The following PLD5 variants were observed in gnomAD, a reference collection of about 807,000 sequenced individuals.
PLD5 encodes inactive phospholipase D5.
In PLD5, 36 loss-of-function variants were observed where a neutral mutation model predicts 61.1. That is an observed-to-expected ratio of 0.59 (90% CI 0.45 to 0.78). The LOEUF is 0.78. Among genes scored for constraint, PLD5 ranks in the 30% least tolerant of loss-of-function variants. The pLI is 0.00. For synonymous variants in PLD5, 243 were observed against 242.8 expected (o/e 1.00, Z -0.01); for missense variants, 515 against 644.4 (o/e 0.80, Z 2.17).
At chr1:242,425,922 C>T (rs1481550056) in intron 1 of PLD5, among the ~76,000 whole-genome samples, 1 of 152,108 alleles carries the variant, frequency 6.6e-6, no homozygotes, top group African/African-American at 2.4e-5. Context: ...GGATTACAGG[C>T]ATGAGCCACT....
intron 5 of PLD5, among the ~76,000 whole-genome samples, chr1:242,194,043 G>T (rs867152809): frequency 2.0e-5 from 3 of 152,066 alleles, no homozygotes; most frequent in Non-Finnish European, 4.4e-5. Context: ...TGACCCATCC[G>T]CAGTGAGTTC....
chr1:242,348,068 C>T (rs538143564), intron 2 of PLD5, 38 bp downstream of exon 2: 9 of 1,604,086 alleles, frequency 5.6e-6, no homozygotes, highest in East Asian at 2.2e-5. Context: ...ATTTCTTGCC[C>T]GCCCCCTAAA....
chr1:242,241,406 C>A (rs1435163572), intron 4 of PLD5, among the ~76,000 whole-genome samples: 1 of 152,118 alleles, frequency 6.6e-6, no homozygotes, highest in East Asian at 1.9e-4. Context: ...AATTAAGGAG[C>A]CCTAGCAAAA....
chr1:242,434,829 G>T (rs1268008728), intron 1 of PLD5, among the ~76,000 whole-genome samples: 1 of 152,026 alleles, frequency 6.6e-6, no homozygotes, highest in Non-Finnish European at 1.5e-5. Context: ...TAGCCAGGAT[G>T]GTCTTGATCT....
intron 7 of PLD5, among the ~76,000 whole-genome samples, chr1:242,112,437 G>A (rs532520869): frequency 5.7e-4 from 86 of 152,064 alleles, no homozygotes; most frequent in African/African-American, 1.9e-3. Context: ...GGGCTCAGGC[G>A]ATTCTCCTGC....
intron 5 of PLD5, among the ~76,000 whole-genome samples, chr1:242,148,870 TATATC>T (rs930736215): frequency 1.3e-5 from 2 of 152,100 alleles, no homozygotes; most frequent in East Asian, 1.9e-4. Flanking sequence ...ATACTGATCT[TATATC>T]ATAAAACTGT....
At chr1:242,163,208 A>G (rs1242605415) in intron 5 of PLD5, among the ~76,000 whole-genome samples, 5 of 147,282 alleles carry the variant, frequency 3.4e-5, no homozygotes, top group African/African-American at 2.5e-5. Context: ...CAGTGGCGCG[A>G]TCTCGGCTCA....
chr1:242,276,933 A>G (rs1674444387), intron 3 of PLD5, among the ~76,000 whole-genome samples: 1 of 152,126 alleles, frequency 6.6e-6, no homozygotes, highest in Admixed American at 6.5e-5. Context: ...AAACATAGCC[A>G]TCCCTGTCAG....
chr1:242,148,947 T>C (rs558968912), intron 5 of PLD5, among the ~76,000 whole-genome samples: 1 of 140,904 alleles, frequency 7.1e-6, no homozygotes, highest in African/African-American at 2.6e-5. Context: ...TACATAATCA[T>C]GTCATCTGCA....
chr1:242,109,141 C>T (rs935780311), intron 7 of PLD5, among the ~76,000 whole-genome samples: 4 of 152,178 alleles, frequency 2.6e-5, no homozygotes, highest in South Asian at 2.1e-4. Flanking sequence ...CGATGACCAC[C>T]GCAGTGATCC....
chr1:242,112,718 TAATC>T lies in PLD5; in HGVS notation c.1070+1168_1070+1171del, dbSNP rs1252427459. ...TTATTCAAGCAATAAAGGGCACACTTAATCATTTAGCCTCAGTAAATGCTTATTT... is the reference window on the plus strand; with the variant it reads ...TTATTCAAGCAATAAAGGGCACACTTATTTAGCCTCAGTAAATGCTTATTT... On this transcript the variant is annotated intron_variant, in intron 7 of 9. Transcript: ENST00000536534. Among the ~76,000 whole-genome samples, 9 of 152,170 alleles carry T rather than the reference TAATC, an allele frequency of 5.9e-5. No homozygotes were observed. The East Asian group carries it at 1.7e-3, about 29-fold the overall frequency.
At chr1:242,118,717 G>A (rs1337071295) in intron 6 of PLD5, among the ~76,000 whole-genome samples, 1 of 152,166 alleles carries the variant, frequency 6.6e-6, no homozygotes, top group Non-Finnish European at 1.5e-5. Context: ...CTGACACAAT[G>A]GCAGGTGCTC....
At chr1:242,128,720 A>G (rs72761235) in intron 5 of PLD5, among the ~76,000 whole-genome samples, 8,325 of 152,190 alleles carry the variant, frequency 0.055, 300 homozygotes, top group Non-Finnish European at 0.084. Flanking sequence ...CCCAGGGAGC[A>G]CAGAAACTAG....
intron 1 of PLD5, among the ~76,000 whole-genome samples, chr1:242,431,295 C>A (rs941549902): frequency 6.6e-5 from 10 of 152,174 alleles, no homozygotes; most frequent in Admixed American, 5.9e-4. Flanking sequence ...TGGGTCAACC[C>A]AGAGGCTTTA....
intron 6 of PLD5, among the ~76,000 whole-genome samples, chr1:242,120,741 T>C (rs191082642): frequency 6.6e-6 from 1 of 152,260 alleles, no homozygotes; most frequent in African/African-American, 2.4e-5. Flanking sequence ...TGGAAAGCAA[T>C]TGCTTAAGCT....
intron 1 of PLD5, among the ~76,000 whole-genome samples, chr1:242,495,316 C>T (rs531413400): frequency 6.6e-5 from 10 of 152,172 alleles, no homozygotes; most frequent in East Asian, 5.8e-4. Flanking sequence ...CTTAGCTAGA[C>T]GGACACCACT....
chr1:242,131,386 G>A lies in PLD5; in HGVS notation c.736-6721C>T, dbSNP rs569003783. Among the ~76,000 whole-genome samples the A allele has an allele frequency of 2.0e-5, 3 of 152,222 alleles. No homozygotes were observed. The East Asian group carries it at 5.8e-4, about 29-fold the overall frequency. On this transcript the variant is annotated intron_variant, in intron 5 of 9. Transcript: ENST00000536534. Reference sequence around the variant, plus strand: ...GCACTATGACATTTTGAAGTACGGGGGACTTTGGTGGGAGGGTTTGGGTTT... The same window carrying A: ...GCACTATGACATTTTGAAGTACGGGAGACTTTGGTGGGAGGGTTTGGGTTT...
intron 1 of PLD5, among the ~76,000 whole-genome samples, chr1:242,420,746 C>A (rs1056246816): frequency 1.3e-5 from 2 of 152,150 alleles, no homozygotes; most frequent in African/African-American, 4.8e-5. Context: ...GGCATGAATG[C>A]AGTGGTATGT....
chr1:242,478,868 A>T (rs1264187473), intron 1 of PLD5, among the ~76,000 whole-genome samples: 1 of 152,244 alleles, frequency 6.6e-6, no homozygotes, highest in Non-Finnish European at 1.5e-5. Flanking sequence ...ATTCAAACTC[A>T]TGAAAACAAC....
Sources: gnomAD v4.1 joint callset for allele counts (sites outside exome capture counted in the v4.1 genomes callset) on GRCh38, gnomAD v4.1.1 for gene constraint, MANE v1.5 for transcripts, NCBI Gene and HGNC (gene_info 2026-07-23, HGNC 2026-07-21) for gene names.